The following NUSAP1 variants were observed in gnomAD, a reference collection of about 807,000 sequenced individuals.
NUSAP1 encodes the protein nucleolar and spindle-associated protein 1.
A neutral mutation model predicts 52.8 loss-of-function variants in NUSAP1; 32 were observed. The observed-to-expected ratio is 0.61, with a 90% CI of 0.46 to 0.81. NUSAP1 has a LOEUF of 0.81. NUSAP1 is among the 40% of genes least tolerant of loss of function. NUSAP1 has a pLI of 0.00. For synonymous variants in NUSAP1, 195 were observed against 183.1 expected (o/e 1.06, Z -0.52); for missense variants, 499 against 522.3 (o/e 0.96, Z 0.43).
intron 8 of NUSAP1, among the ~76,000 whole-genome samples, chr15:41,373,046 C>T (rs1453784198): frequency 2.0e-5 from 3 of 151,850 alleles, no homozygotes; most frequent in Non-Finnish European, 4.4e-5. Context: ...GAGATTGTGC[C>T]ACTGCACTCC....
In NUSAP1 at chr15:41,380,200, T is replaced by C. The variant is rs768050707; in HGVS notation, c.*14T>C. 1 of 1,527,980 alleles carries C rather than the reference T, an allele frequency of 6.5e-7. No homozygotes were observed. The highest frequency in any genetic ancestry group is 2.0e-5 in the Admixed American group (1 of 49,370). 94.7% of individuals were successfully genotyped at this position (1,527,980 alleles called of 1,614,324 possible). ...GCTGAAGATTAATAATTTTTTAACA[T>C]CTTGTAAATATTCCTGTATTCTCAA... On this transcript the variant is annotated 3_prime_UTR_variant, in exon 11 of 11. Transcript: ENST00000559596.
At position 41,362,835 on chromosome 15, in the gene NUSAP1, A is replaced by T. The variant is rs185563139; in HGVS notation, c.661-2567A>T. Among the ~76,000 whole-genome samples, 242 of 152,042 alleles carry T rather than the reference A, an allele frequency of 1.6e-3. 10 individuals carry two copies. In the South Asian group the frequency reaches 0.035, roughly 22 times the overall value. ...TCCTTTTAAGGCTTACTTTTTTGTC[A>T]TGCTTAGAAAGGTCTTGACTTCAGC... On this transcript the variant is annotated intron_variant, in intron 6 of 10. Coordinates refer to ENST00000559596, the MANE Select transcript of NUSAP1 (RefSeq NM_016359.5).
intron 4 of NUSAP1, 91 bp downstream of exon 4, chr15:41,351,220 A>G (rs1041120418): frequency 1.6e-6 from 2 of 1,282,532 alleles, no homozygotes; most frequent in African/African-American, 3.0e-5. Flanking sequence ...GACTGTTGTG[A>G]CAAAGCACCA....
At chr15:41,346,313 CTTAA>C (rs1283667101) in intron 2 of NUSAP1, among the ~76,000 whole-genome samples, 17 of 151,450 alleles carry the variant, frequency 1.1e-4, no homozygotes, top group African/African-American at 4.1e-4. Flanking sequence ...TATATTTTTT[CTTAA>C]TTATTTATTT....
intron 10 of NUSAP1, among the ~76,000 whole-genome samples, chr15:41,378,596 C>A (rs1056641715): frequency 2.8e-4 from 42 of 152,088 alleles, no homozygotes; most frequent in South Asian, 4.1e-4. Context: ...CATGGAGAAA[C>A]CCCATCTCTA....
At position 41,349,117 on chromosome 15, in the gene NUSAP1, C is replaced by T; in HGVS notation, c.182C>T (p.Ala61Val). 6.2e-7 allele frequency: 1 copy of T among 1,613,774 alleles called. No homozygotes were observed. The highest frequency in any genetic ancestry group is 8.5e-7 in the Non-Finnish European group (1 of 1,179,760). Residue 61 changes from alanine to valine, a missense_variant, in exon 3 of 11, where the codon GCA (alanine) becomes GTA (valine). Transcript: ENST00000559596. ...NENQDESQTSASSCDETEIQI... is the reference protein window; with the variant it reads ...NENQDESQTSVSSCDETEIQI... ...TTTCAGGATGAAAGTCAAACTTCTG[C>T]ATCCTCTTGTGATGAGACTGAGATA...
chr15:41,346,826 C>G (rs2048590395), intron 2 of NUSAP1, among the ~76,000 whole-genome samples: 1 of 129,892 alleles, frequency 7.7e-6, no homozygotes, highest in African/African-American at 2.9e-5. Context: ...GACCCCGTCT[C>G]AAAAATAAAT....
chr15:41,333,604 C>G (rs1431302548), intron 1 of NUSAP1, among the ~76,000 whole-genome samples: 1 of 152,170 alleles, frequency 6.6e-6, no homozygotes, highest in Admixed American at 6.5e-5. Flanking sequence ...CCAGTAAGGT[C>G]TTTGACTCCG....
rs894609426 is a variant in NUSAP1 at position 41,348,626 on chromosome 15, GGTTT to G, written c.163-458_163-455del. Among the ~76,000 whole-genome samples the G allele has an allele frequency of 1.5e-3, 230 of 152,110 alleles. 2 individuals are homozygous for G. Among genetic ancestry groups the G allele is most frequent in the African/African-American group, 5.2e-3 (216 of 41,500 alleles). ...TATTTCTTTTTAAATAATCTATAAG[GGTTT>G]GTTTGTTTGTTTGCTTGTTTGTTTT... On this transcript the variant is annotated intron_variant, in intron 2 of 10. Coordinates refer to ENST00000559596, the MANE Select transcript of NUSAP1 (RefSeq NM_016359.5).
At chr15:41,378,112 G>A (rs1391084312) in intron 10 of NUSAP1, among the ~76,000 whole-genome samples, 2 of 152,150 alleles carry the variant, frequency 1.3e-5, no homozygotes, top group Non-Finnish European at 2.9e-5. Flanking sequence ...TGTTTCCAAG[G>A]CTCTGCAGGT....
intron 1 of NUSAP1, among the ~76,000 whole-genome samples, chr15:41,337,042 T>C (rs376223462): frequency 2.9e-5 from 4 of 136,264 alleles, no homozygotes; most frequent in East Asian, 2.3e-4. Flanking sequence ...GGTCTTGCTC[T>C]GTCAGCCAGC....
chr15:41,378,292 C>T (rs957289503), intron 10 of NUSAP1, among the ~76,000 whole-genome samples: 4 of 152,188 alleles, frequency 2.6e-5, no homozygotes, highest in African/African-American at 7.2e-5. Context: ...TACAAGGCGT[C>T]AAGGCCCTAT....
At chr15:41,370,593 A>G (rs1411867212) in intron 7 of NUSAP1, among the ~76,000 whole-genome samples, 1 of 151,852 alleles carries the variant, frequency 6.6e-6, no homozygotes, top group Non-Finnish European at 1.5e-5. Flanking sequence ...TCTACTAAAA[A>G]TACAAAATTA....
chr15:41,367,863 T>C (rs1424785061), intron 7 of NUSAP1, among the ~76,000 whole-genome samples: 2 of 152,094 alleles, frequency 1.3e-5, no homozygotes, highest in Admixed American at 1.3e-4. Flanking sequence ...CTCCTGGGCT[T>C]CCATTCACCA....
At position 41,337,871 on chromosome 15, in the gene NUSAP1, C is replaced by G. The variant is rs145874639; in HGVS notation, c.94-4515C>G. ...GGCTCTCTTCCTGGTTGTCTTTTCT[C>G]TAACTATGCTCTATCCCTCGGTGAT... On this transcript the variant is annotated intron_variant, in intron 1 of 10. Coordinates refer to ENST00000559596, the MANE Select transcript of NUSAP1 (RefSeq NM_016359.5). 1.9e-3 allele frequency among the ~76,000 whole-genome samples: 283 copies of G among 151,616 alleles called. 2 individuals carry two copies. Among genetic ancestry groups the G allele is most frequent in the Non-Finnish European group, 2.3e-3 (157 of 67,930 alleles).
At position 41,358,227 on chromosome 15, in the gene NUSAP1, T is replaced by C. The variant is rs759712561; in HGVS notation, c.629T>C (p.Phe210Ser). ...DQYIERKKKH[F>S]EEHNSMNELK... ...TATATTGAGAGAAAAAAGAAACATT[T>C]TGAAGAACACAATTCCATGAATGAA... The change falls in exon 6 of 11, where the codon TTT (phenylalanine) becomes TCT (serine). Residue 210 changes from phenylalanine to serine, a missense_variant. Transcript: ENST00000559596. The C allele has an allele frequency of 1.9e-6, 3 of 1,550,160 alleles. No homozygotes were observed. In the Admixed American group the frequency reaches 5.3e-5, roughly 27 times the overall value.
Position 41,370,156 on chromosome 15 carries a change from C to T in NUSAP1, c.849-1371C>T, listed in dbSNP as rs563499491. ...CAGCACTTTGGGAGGCCGAGACGGG[C>T]GGATCATGAGGTCAGGAGATCGAGA... On this transcript the variant is annotated intron_variant, in intron 7 of 10. Coordinates refer to ENST00000559596, the MANE Select transcript of NUSAP1 (RefSeq NM_016359.5). Among the ~76,000 whole-genome samples, 400 of 151,390 alleles carry T rather than the reference C, an allele frequency of 2.6e-3. 1 individual carries two copies. The highest frequency in any genetic ancestry group is 9.1e-3 in the African/African-American group (376 of 41,198).
intron 1 of NUSAP1, among the ~76,000 whole-genome samples, chr15:41,340,057 G>A (rs1412202637): frequency 6.6e-6 from 1 of 152,296 alleles, no homozygotes; most frequent in Non-Finnish European, 1.5e-5. Context: ...ACAGGCATTA[G>A]TCACTGTACC....
chr15:41,340,310 AG>A (rs2048327980), intron 1 of NUSAP1, among the ~76,000 whole-genome samples: 3 of 152,088 alleles, frequency 2.0e-5, no homozygotes, highest in African/African-American at 7.2e-5. Flanking sequence ...GGCCTTTCCC[AG>A]CCATCCTAAT....
Sources: allele counts gnomAD v4.1 joint callset (sites outside exome capture counted in the v4.1 genomes callset), GRCh38; gene constraint gnomAD v4.1.1; transcripts MANE v1.5; gene names NCBI Gene and HGNC (gene_info 2026-07-23, HGNC 2026-07-21).